Variants in ALK observed in about 807,000 individuals in gnomAD.
ALK encodes ALK tyrosine kinase receptor.
ALK carries 74 observed loss-of-function variants against 163.1 expected under a neutral mutation model. The observed-to-expected ratio is 0.45, with a 90% CI of 0.38 to 0.55. The LOEUF is 0.55. Ranked by LOEUF, ALK falls within the 20% of genes least tolerant of loss-of-function variation. ALK has a pLI of 0.00. For missense variants in ALK, 2,063 were observed against 2,105.3 expected (o/e 0.98, Z 0.39); for synonymous variants, 960 against 843.2 (o/e 1.14, Z -2.40).
intron 2 of ALK, among the ~76,000 whole-genome samples, chr2:29,710,043 T>C (rs1036155765): frequency 6.6e-6 from 1 of 152,166 alleles, no homozygotes; most frequent in African/African-American, 2.4e-5. Context: ...CTGTGCAAGG[T>C]AATTGAATCA....
chr2:29,499,733 C>G (rs6725521), intron 4 of ALK, among the ~76,000 whole-genome samples: 1 of 151,754 alleles, frequency 6.6e-6, no homozygotes, highest in Non-Finnish European at 1.5e-5. Context: ...CCGTGAACCA[C>G]CTTGCATGGA....
intron 3 of ALK, among the ~76,000 whole-genome samples, chr2:29,640,638 G>A (rs979463946): frequency 6.6e-6 from 1 of 152,112 alleles, no homozygotes; most frequent in African/African-American, 2.4e-5. Context: ...CCAGTCTTAG[G>A]TATTTCTTTA....
intron 4 of ALK, among the ~76,000 whole-genome samples, chr2:29,462,232 G>A (rs537946647): frequency 2.0e-5 from 3 of 152,232 alleles, no homozygotes; most frequent in African/African-American, 7.2e-5. Context: ...ATGACAAAAA[G>A]GATTTAAAAT....
intron 4 of ALK, among the ~76,000 whole-genome samples, chr2:29,437,206 T>C (rs527254238): frequency 6.6e-6 from 1 of 152,256 alleles, no homozygotes; most frequent in South Asian, 2.1e-4. Flanking sequence ...TGTTTCTCCT[T>C]CCTTCCTCAT....
At chr2:29,614,551 G>A (rs1383249648) in intron 3 of ALK, among the ~76,000 whole-genome samples, 1 of 152,178 alleles carries the variant, frequency 6.6e-6, no homozygotes, top group African/African-American at 2.4e-5. Flanking sequence ...CAAGAATTCT[G>A]TCTGTGACCA....
intron 23 of ALK, among the ~76,000 whole-genome samples, chr2:29,215,256 G>A (rs1018678670): frequency 1.3e-5 from 2 of 152,208 alleles, no homozygotes; most frequent in East Asian, 1.9e-4. Flanking sequence ...AGGCGGCAGC[G>A]GTGGAACCAG....
At chr2:29,677,400 T>A (rs1677916404) in intron 3 of ALK, among the ~76,000 whole-genome samples, 1 of 151,912 alleles carries the variant, frequency 6.6e-6, no homozygotes, top group Admixed American at 6.6e-5. Context: ...ATTATTATGT[T>A]GTTTGTTAGG....
At chr2:29,836,344 C>T (rs1279149831) in intron 1 of ALK, among the ~76,000 whole-genome samples, 4 of 152,144 alleles carry the variant, frequency 2.6e-5, no homozygotes, top group Non-Finnish European at 5.9e-5. Context: ...CTCATACTAC[C>T]CGGCCATTGA....
intron 3 of ALK, among the ~76,000 whole-genome samples, chr2:29,623,361 C>T (rs181455857): frequency 7.9e-5 from 12 of 152,088 alleles, no homozygotes; most frequent in South Asian, 2.1e-4. Context: ...GTTTTGCAAC[C>T]GTGAAAAATC....
chr2:29,275,175 C>T lies in ALK; in HGVS notation c.1965G>A (p.Leu655=). ...GCTCCTTGTTTGGGTTTCTCTCAAACAGGTTTCTTGATTTGGGTGCTGTAT... is the reference window on the plus strand; with the variant it reads ...GCTCCTTGTTTGGGTTTCTCTCAAATAGGTTTCTTGATTTGGGTGCTGTAT... ...LQNTAPKSRN[L]FERNPNKELK... is the part of the protein sequence containing the mutation. The change falls in exon 11 of 29, where the codon CTG becomes CTA. Residue 655 remains leucine (L), a synonymous_variant. Coordinates refer to ENST00000389048, the MANE Select transcript of ALK (RefSeq NM_004304.5). 6.2e-7 allele frequency: 1 copy of T among 1,614,164 alleles called. No individual in the cohort carries two copies. The highest frequency in any genetic ancestry group is 8.5e-7 in the Non-Finnish European group (1 of 1,180,032).
chr2:29,561,261 C>T (rs1349014191), intron 3 of ALK, among the ~76,000 whole-genome samples: 1 of 152,158 alleles, frequency 6.6e-6, no homozygotes, highest in African/African-American at 2.4e-5. Context: ...CCCATGCCTC[C>T]ATTCCATTCC....
In ALK at chr2:29,328,361, C is replaced by T. The variant is rs1573239187; in HGVS notation, c.1403G>A (p.Ser468Asn). The change falls in exon 6 of 29, where the codon AGC (serine) becomes AAC (asparagine). Residue 468 changes from serine to asparagine, a missense_variant. Ser to Asn is a conservative substitution (Grantham distance 46). Coordinates refer to ENST00000389048, the MANE Select transcript of ALK (RefSeq NM_004304.5). ...CCCCATCTACTCACGGCACATCTGG[C>T]TCTCATCTTCTCCCTGGGCACAGTC... is the stretch of plus-strand genomic sequence containing the variant. Reference protein sequence around the residue: ...HQDCAQGEDESQMCRKLPVGF... With the variant: ...HQDCAQGEDENQMCRKLPVGF... 1 of 1,614,162 alleles carries T rather than the reference C, an allele frequency of 6.2e-7. No homozygotes were observed. Among genetic ancestry groups the T allele is most frequent in the Admixed American group, 1.7e-5 (1 of 60,024 alleles).
At chr2:29,679,014 G>A (rs1042998420) in intron 3 of ALK, among the ~76,000 whole-genome samples, 1 of 151,748 alleles carries the variant, frequency 6.6e-6, no homozygotes, top group African/African-American at 2.4e-5. Context: ...TCCCCTTTCA[G>A]TTCTAACAGT....
At chr2:29,748,891 G>A (rs755668002) in intron 1 of ALK, among the ~76,000 whole-genome samples, 7 of 151,996 alleles carry the variant, frequency 4.6e-5, no homozygotes, top group Non-Finnish European at 7.4e-5. Context: ...GATTACAGTC[G>A]CGAGCCATTA....
Position 29,213,985 on chromosome 2 carries a change from G to T in ALK, c.3742C>A (p.Arg1248=), listed in dbSNP as rs145028315. The change falls in exon 24 of 29, where the codon CGA becomes AGA. Residue 1248 remains arginine, a splice_region_variant and synonymous_variant. Coordinates refer to ENST00000389048, the MANE Select transcript of ALK (RefSeq NM_004304.5). ...AAGAGCACAGTCACTTTGACTCACCGGTGGATGAAGTGGTTTTCCTCCAAA... is the reference window on the plus strand; with the variant it reads ...AAGAGCACAGTCACTTTGACTCACCTGTGGATGAAGTGGTTTTCCTCCAAA... The part of the protein sequence containing the change: ...QYLEENHFIH[R]DIAARNCLLT... 6 of 1,612,852 alleles carry T rather than the reference G, an allele frequency of 3.7e-6. No individual in the cohort carries two copies. In the South Asian group the frequency reaches 6.6e-5, roughly 18 times the overall value.
In ALK at chr2:29,297,038, A is replaced by G. The variant is rs747298157; in HGVS notation, c.1667T>C (p.Ile556Thr). 6.2e-7 allele frequency: 1 copy of G among 1,614,190 alleles called. No individual in the cohort carries two copies. The highest frequency in any genetic ancestry group is 1.1e-5 in the South Asian group (1 of 91,080). ...SPCELRMSWL[I>T]RGVLRGNVSL... ...CACGTTTCCCCTCAAGACTCCACGA[A>G]TGAGCCAGGACATTCGGAGCTGTGA... The change falls in exon 9 of 29, where the codon ATT (isoleucine) becomes ACT (threonine). Residue 556 changes from isoleucine to threonine, a missense_variant. This residue lies in a region of ALK where 987 missense variants were observed against 939.5 expected (regional missense o/e 1.05). Coordinates refer to ENST00000389048, the MANE Select transcript of ALK (RefSeq NM_004304.5).
In ALK at chr2:29,403,768, C is replaced by T. The variant is rs1381007255; in HGVS notation, c.1155-19909G>A. Among the ~76,000 whole-genome samples the T allele has an allele frequency of 2.0e-5, 3 of 147,258 alleles. No individual in the cohort carries two copies. In the East Asian group the frequency reaches 6.0e-4, roughly 29 times the overall value. ...GAAAAGAAAAGGAAAGAAAATTAGC[C>T]AGGCATGATAGTGTATGCTTGTAAT... is the stretch of plus-strand genomic sequence containing the variant. On this transcript the variant is annotated intron_variant, in intron 4 of 28. Coordinates refer to ENST00000389048, the MANE Select transcript of ALK (RefSeq NM_004304.5).
At chr2:29,463,271 C>A (rs1671129612) in intron 4 of ALK, among the ~76,000 whole-genome samples, 2 of 152,172 alleles carry the variant, frequency 1.3e-5, no homozygotes, top group Admixed American at 6.5e-5. Flanking sequence ...TTTGGATTGA[C>A]TGTTGCAGCA....
At chr2:29,243,427 A>G (rs1379184407) in intron 12 of ALK, among the ~76,000 whole-genome samples, 1 of 152,234 alleles carries the variant, frequency 6.6e-6, no homozygotes, top group African/African-American at 2.4e-5. Flanking sequence ...ATTAAATGAG[A>G]TGATGCTTAT....
Sources: gnomAD v4.1 joint callset for allele counts (sites outside exome capture counted in the v4.1 genomes callset) on GRCh38, gnomAD v4.1.1 for gene constraint, gnomAD v4.1.1 regional missense constraint, MANE v1.5 for transcripts, NCBI Gene and HGNC (gene_info 2026-07-23, HGNC 2026-07-21) for gene names.